Variants in MRC2 observed in about 807,000 individuals in gnomAD.
MRC2 encodes the protein mannose receptor C-type 2, also known as C-type mannose receptor 2.
MRC2 carries 84 observed loss-of-function variants against 206.2 expected under a neutral mutation model. The observed-to-expected ratio is 0.41, with a 90% CI of 0.34 to 0.49. MRC2 has a LOEUF of 0.49. Ranked by LOEUF, MRC2 falls within the 20% of genes least tolerant of loss-of-function variation. The probability of loss-of-function intolerance (pLI) is 0.31; values close to 1 mark genes in which losing one functional copy is unlikely to be tolerated. For missense variants in MRC2, 1,676 were observed against 2,001.5 expected, an observed-to-expected ratio of 0.84 and a Z score of 3.10; for synonymous variants, 798 against 800.0, an observed-to-expected ratio of 1.00 and a Z score of 0.04.
chr17:62,692,337 C>T lies in MRC2; in HGVS notation c.4326C>T (p.Ile1442=), dbSNP rs371559884. Residue 1442 remains isoleucine, a synonymous_variant, in exon 30 of 30, where the codon ATC becomes ATT. Coordinates refer to ENST00000303375, the MANE Select transcript of MRC2 (RefSeq NM_006039.5). The surrounding 1 kb of genome is among the most constrained non-coding windows in gnomAD (Gnocchi z 4.2). ...TCCTTTACCGGAGGCGCCAGAGCAT[C>T]GAGCGCGGGGCCTTTGAGGGTGCCC... ...ALILYRRRQS[I]ERGAFEGARY... 13 of 1,576,820 alleles carry T rather than the reference C, an allele frequency of 8.2e-6. No individual in the cohort carries two copies. The highest frequency in any genetic ancestry group is 3.3e-4 in the Middle Eastern group (2 of 6,026).
chr17:62,676,383 G>A lies in MRC2; in HGVS notation c.1686G>A (p.Arg562=). The A allele has an allele frequency of 6.2e-7, 1 of 1,613,630 alleles. No individual in the cohort carries two copies. Among genetic ancestry groups the A allele is most frequent in the Non-Finnish European group, 8.5e-7 (1 of 1,179,828 alleles). ...HGSQLVTITN[R]FEQAFVSSLI... is the part of the protein sequence containing the mutation. The stretch of plus-strand genomic sequence containing the variant: ...GCCCTGACCAGCCTGTCTCCTGAAG[G>A]TTCGAGCAGGCCTTCGTCAGCAGCC... Residue 562 remains arginine, a splice_region_variant and synonymous_variant, in exon 11 of 30, where the codon AGG becomes AGA. Transcript: ENST00000303375.
rs544715831 is a variant in MRC2, at chr17:62,688,782, G to A, written c.3226-70G>A. On this transcript the variant is annotated intron_variant, in intron 22 of 29. Transcript: ENST00000303375. ...TTCTTCCAGCCTCTTTGCTCACATT[G>A]CAGCCTTCTGGGGACAGTAGCACAG... 349 of 1,584,464 alleles carry A rather than the reference G, an allele frequency of 2.2e-4. 2 individuals are homozygous for A. In the African/African-American group the frequency reaches 4.2e-3, roughly 19 times the overall value.
rs1467725494 is a variant in MRC2, at chr17:62,688,284, C to T, written c.2947-5C>T. 1.2e-6 allele frequency: 2 copies of T among 1,613,668 alleles called. No individual in the cohort carries two copies. The highest frequency in any genetic ancestry group is 1.7e-6 in the Non-Finnish European group (2 of 1,179,782). On this transcript the variant is annotated splice_region_variant and splice_polypyrimidine_tract_variant and intron_variant, in intron 20 of 29. Transcript: ENST00000303375. Reference sequence around the variant, plus strand: ...GGCCATTACATCCCCACCTCTGCCCCACAGTGTTTTCAGGTCCAGGGCCAG... The same window carrying T: ...GGCCATTACATCCCCACCTCTGCCCTACAGTGTTTTCAGGTCCAGGGCCAG...
At chr17:62,687,861 A>T (rs1032147595) in intron 20 of MRC2, among the ~76,000 whole-genome samples, 4 of 151,708 alleles carry the variant, frequency 2.6e-5, no homozygotes, top group African/African-American at 9.7e-5. Flanking sequence ...CCAGCCTGGG[A>T]GACAGAGCGA....
chr17:62,637,795 G>A (rs781749511), intron 1 of MRC2, among the ~76,000 whole-genome samples: 4 of 152,120 alleles, frequency 2.6e-5, no homozygotes, highest in Non-Finnish European at 4.4e-5. Context: ...TACTGCTGTC[G>A]TCCCTCAAAC....
At chr17:62,678,182 C>T (rs1330086081) in intron 12 of MRC2, among the ~76,000 whole-genome samples, 1 of 152,194 alleles carries the variant, frequency 6.6e-6, no homozygotes, top group Non-Finnish European at 1.5e-5. Context: ...CTGGCAGAGT[C>T]CGAGGTCTTT....
chr17:62,630,801 C>T (rs1431469549), intron 1 of MRC2, among the ~76,000 whole-genome samples: 2 of 151,810 alleles, frequency 1.3e-5, no homozygotes, highest in Admixed American at 6.6e-5. Flanking sequence ...GTACTTGGGG[C>T]TCTGACCAGA....
chr17:62,627,954 C>A (rs2084182137), intron 1 of MRC2, 34 bp downstream of exon 1: 1 of 1,359,948 alleles, frequency 7.4e-7, no homozygotes, highest in Non-Finnish European at 9.5e-7. Flanking sequence ...ACTTCAGGGC[C>A]CGGGCGGGGG....
chr17:62,679,944 T>G, intron 14 of MRC2, 42 bp downstream of exon 14: 1 of 1,562,806 alleles, frequency 6.4e-7, no homozygotes, highest in East Asian at 2.3e-5. Flanking sequence ...GGCCGGGAGC[T>G]TGGTGGGCGG....
chr17:62,629,570 A>G (rs1172030670), intron 1 of MRC2, among the ~76,000 whole-genome samples: 2 of 152,204 alleles, frequency 1.3e-5, no homozygotes, highest in African/African-American at 4.8e-5. Flanking sequence ...GAGGTCTTCC[A>G]GCAGCAGCTG....
At chr17:62,647,872 C>T (rs1403069961) in intron 1 of MRC2, among the ~76,000 whole-genome samples, 2 of 152,200 alleles carry the variant, frequency 1.3e-5, no homozygotes, top group Non-Finnish European at 2.9e-5. Context: ...TCCATGATCT[C>T]AGCCATCCCT....
intron 24 of MRC2, 26 bp downstream of exon 24, chr17:62,689,786 G>T: frequency 2.0e-6 from 3 of 1,533,032 alleles, no homozygotes; most frequent in Non-Finnish European, 2.6e-6. Context: ...TTTTGCCCTG[G>T]GCCCCAGCCT....
intron 6 of MRC2, among the ~76,000 whole-genome samples, chr17:62,668,924 C>T (rs1212799476): frequency 4.6e-5 from 7 of 152,044 alleles, no homozygotes; most frequent in Admixed American, 4.6e-4. Context: ...AAGCCACCCC[C>T]CTTGCAAGGT....
chr17:62,671,573 T>C lies in MRC2; in HGVS notation c.1118-76T>C. Reference sequence around the variant, plus strand: ...AGGTGACTGGGAGGCCTCGCCTGTGTTGACGTCAACCCAGTGGGTTGGTTC... The same window carrying C: ...AGGTGACTGGGAGGCCTCGCCTGTGCTGACGTCAACCCAGTGGGTTGGTTC... On this transcript the variant is annotated intron_variant, in intron 6 of 29. Coordinates refer to ENST00000303375, the MANE Select transcript of MRC2 (RefSeq NM_006039.5). The surrounding 1 kb of genome is among the most constrained non-coding windows in gnomAD (Gnocchi z 4.5). 7.1e-7 allele frequency: 1 copy of C among 1,414,732 alleles called. No individual in the cohort carries two copies. The allele number at this position is 1,414,732 out of a possible 1,614,324, so 87.6% of individuals were successfully genotyped here.
intron 23 of MRC2, 50 bp from the exon 24 acceptor site, chr17:62,689,472 C>T (rs368787015): frequency 1.9e-5 from 24 of 1,265,004 alleles, no homozygotes; most frequent in African/African-American, 1.3e-4. Flanking sequence ...TGCCTGGGAA[C>T]GGGGTGAGGG....
At chr17:62,674,863 C>T (rs1231056034) in intron 9 of MRC2, among the ~76,000 whole-genome samples, 1 of 152,104 alleles carries the variant, frequency 6.6e-6, no homozygotes, top group Non-Finnish European at 1.5e-5. Flanking sequence ...CTGCTTGGCC[C>T]TTGGCCCCCC....
intron 26 of MRC2, 137 bp downstream of exon 26, chr17:62,690,442 A>G (rs2089093082): frequency 7.4e-7 from 1 of 1,357,756 alleles, no homozygotes; most frequent in African/African-American, 1.5e-5. Flanking sequence ...GTGCTCTCAC[A>G]TGTGGAGACC....
At position 62,689,697 on chromosome 17, in the gene MRC2, C is replaced by G. The variant is rs1169702472; in HGVS notation, c.3510C>G (p.Ala1170=). 5 of 1,579,254 alleles carry G rather than the reference C, an allele frequency of 3.2e-6. No homozygotes were observed. The highest frequency in any genetic ancestry group is 3.4e-6 in the Non-Finnish European group (4 of 1,163,142). The change falls in exon 24 of 30, where the codon GCC becomes GCG. Residue 1170 remains alanine, a synonymous_variant. Transcript: ENST00000303375. ...ACGTGCCCGACCCCTACACCCAGGCCTTCCTCACGCAGGCTGCCCGAGGGC... is the reference window on the plus strand; with the variant it reads ...ACGTGCCCGACCCCTACACCCAGGCGTTCCTCACGCAGGCTGCCCGAGGGC... The part of the protein sequence containing the change: ...LAYVPDPYTQ[A]FLTQAARGLR...
intron 1 of MRC2, among the ~76,000 whole-genome samples, chr17:62,655,178 C>G (rs1000647873): frequency 6.6e-6 from 1 of 150,382 alleles, no homozygotes; most frequent in African/African-American, 2.5e-5. Flanking sequence ...CCCAGCTACT[C>G]GGGAGGCTGA....
Sources: allele counts gnomAD v4.1 joint callset (sites outside exome capture counted in the v4.1 genomes callset), GRCh38; gene constraint gnomAD v4.1.1; non-coding constraint Gnocchi (gnomAD v3.1); transcripts MANE v1.5; gene names NCBI Gene and HGNC (gene_info 2026-07-23, HGNC 2026-07-21).